The following RB1CC1 variants were observed in gnomAD, a reference collection of about 807,000 sequenced individuals.
RB1CC1 encodes RB1-inducible coiled-coil protein 1.
In RB1CC1, 46 loss-of-function variants were observed where a neutral mutation model predicts 177.5. The ratio of observed to expected loss-of-function variants is 0.26; its 90% confidence interval spans 0.20 to 0.33. RB1CC1 has a LOEUF of 0.33. Among genes scored for constraint, RB1CC1 ranks in the 10% least tolerant of loss-of-function variants. RB1CC1 has a pLI of 1.00. For missense variants in RB1CC1, 1,703 were observed against 1,816.3 expected (o/e 0.94, Z 1.13); for synonymous variants, 666 against 613.6 (o/e 1.09, Z -1.26).
chr8:52,673,249 T>C (rs1209520473), intron 7 of RB1CC1, among the ~76,000 whole-genome samples: 1 of 152,218 alleles, frequency 6.6e-6, no homozygotes, highest in East Asian at 1.9e-4. Context: ...ACTTCCTTCC[T>C]GGTGTCAAAG....
intron 18 of RB1CC1, among the ~76,000 whole-genome samples, chr8:52,639,359 A>C (rs1371832092): frequency 9.0e-6 from 1 of 110,796 alleles, no homozygotes; most frequent in Non-Finnish European, 2.0e-5. Context: ...TATGCAAACT[A>C]CTCCTCTTTG....
At chr8:52,624,542 A>G (rs1848248712) in intron 23 of RB1CC1, among the ~76,000 whole-genome samples, 175 bp downstream of exon 23, 1 of 151,976 alleles carries the variant, frequency 6.6e-6, no homozygotes, top group Non-Finnish European at 1.5e-5. Flanking sequence ...TCTACTATCT[A>G]AGGGCAGCAT....
chr8:52,627,009 C>T (rs1355191235), intron 22 of RB1CC1, among the ~76,000 whole-genome samples: 1 of 152,090 alleles, frequency 6.6e-6, no homozygotes, highest in Non-Finnish European at 1.5e-5. Flanking sequence ...GACCAATGAT[C>T]ATGCCACTGC....
intron 1 of RB1CC1, among the ~76,000 whole-genome samples, chr8:52,711,196 G>A (rs1857034707): frequency 6.6e-6 from 1 of 152,104 alleles, no homozygotes; most frequent in Non-Finnish European, 1.5e-5. Context: ...ATTAGCCAAG[G>A]AAAGAGGGTA....
At chr8:52,630,649 A>G (rs1369065301) in intron 20 of RB1CC1, 121 bp from the exon 21 acceptor site, 1 of 927,060 alleles carries the variant, frequency 1.1e-6, no homozygotes, top group Non-Finnish European at 1.5e-6. Context: ...AAGAGCCCAA[A>G]CTAATATAGT....
chr8:52,677,932 T>C (rs1853298256), intron 5 of RB1CC1, among the ~76,000 whole-genome samples: 1 of 152,134 alleles, frequency 6.6e-6, no homozygotes, highest in African/African-American at 2.4e-5. Context: ...TTGCAGCGCA[T>C]GTAGAAAATG....
intron 12 of RB1CC1, among the ~76,000 whole-genome samples, chr8:52,660,309 A>G (rs1851501198): frequency 6.6e-6 from 1 of 152,152 alleles, no homozygotes; most frequent in African/African-American, 2.4e-5. Context: ...AAAGAAAAAA[A>G]GGAAGAGACA....
Position 52,668,070 on chromosome 8 carries a change from A to C in RB1CC1, c.1124T>G (p.Met375Arg). The part of the protein sequence containing the change: ...LEDRLYALDQ[M>R]IASCGRLVNE... Reference sequence around the variant, plus strand: ...CACCAGTCGGCCACAGCTAGCAATCATCTGGTCCAGGGCGTAGAGCCGATC... The same window carrying C: ...CACCAGTCGGCCACAGCTAGCAATCCTCTGGTCCAGGGCGTAGAGCCGATC... The change falls in exon 8 of 24, where the codon ATG (methionine) becomes AGG (arginine). Residue 375 changes from methionine to arginine, a missense_variant. Met to Arg is a moderately conservative substitution (Grantham distance 91). This residue lies in a region of RB1CC1 where 315 missense variants were observed against 304.9 expected (regional missense o/e 1.03). Coordinates refer to ENST00000025008, the MANE Select transcript of RB1CC1 (RefSeq NM_014781.5). 1 of 1,614,132 alleles carries C rather than the reference A, an allele frequency of 6.2e-7. No homozygotes were observed. Among genetic ancestry groups the C allele is most frequent in the Non-Finnish European group, 8.5e-7 (1 of 1,179,984 alleles).
At chr8:52,688,162 A>G (rs1854453743) in intron 1 of RB1CC1, among the ~76,000 whole-genome samples, 1 of 152,106 alleles carries the variant, frequency 6.6e-6, no homozygotes, top group Non-Finnish European at 1.5e-5. Flanking sequence ...ACAATATGCA[A>G]TCAGTGCACC....
At chr8:52,682,313 G>A (rs981035012) in intron 5 of RB1CC1, among the ~76,000 whole-genome samples, 3 of 152,042 alleles carry the variant, frequency 2.0e-5, no homozygotes, top group East Asian at 1.9e-4. Context: ...CCATAATTCC[G>A]AGGCCTCTTC....
At chr8:52,655,045 G>C (rs1850957401) in intron 15 of RB1CC1, among the ~76,000 whole-genome samples, 1 of 152,068 alleles carries the variant, frequency 6.6e-6, no homozygotes, top group Non-Finnish European at 1.5e-5. Context: ...TCTTTGACAA[G>C]CTCTCCTGGC....
chr8:52,669,364 ATTAACTGT>A (rs1398045238), intron 7 of RB1CC1, among the ~76,000 whole-genome samples: 1 of 152,176 alleles, frequency 6.6e-6, no homozygotes, highest in Non-Finnish European at 1.5e-5. Flanking sequence ...CAATTCTTCT[ATTAACTGT>A]TTAAGTCAAC....
At chr8:52,649,875 AT>A (rs535505957) in intron 15 of RB1CC1, among the ~76,000 whole-genome samples, 23 of 152,218 alleles carry the variant, frequency 1.5e-4, no homozygotes, top group Non-Finnish European at 3.1e-4. Flanking sequence ...CAAAACTAAT[AT>A]AAACTTTAAT....
chr8:52,667,970 G>A lies in RB1CC1; in HGVS notation c.1173+51C>T, dbSNP rs763919211. 3.9e-6 allele frequency: 6 copies of A among 1,556,678 alleles called. No homozygotes were observed. In the East Asian group the frequency reaches 1.4e-4, roughly 35 times the overall value. ...AATTGATACTGCATATAAAACATGT[G>A]TACAAAAAAACTATAAATTCCTTTT... On this transcript the variant is annotated intron_variant, in intron 8 of 23. Coordinates refer to ENST00000025008, the MANE Select transcript of RB1CC1 (RefSeq NM_014781.5).
chr8:52,633,296 A>T (rs963863470), intron 20 of RB1CC1, among the ~76,000 whole-genome samples: 1 of 152,184 alleles, frequency 6.6e-6, no homozygotes, highest in African/African-American at 2.4e-5. Context: ...TAATCTACAA[A>T]CATATGCCAA....
At chr8:52,676,639 G>T in intron 5 of RB1CC1, 68 bp from the exon 6 acceptor site, 1 of 1,398,920 alleles carries the variant, frequency 7.1e-7, no homozygotes, top group Non-Finnish European at 9.9e-7. Flanking sequence ...GTTTGCATAT[G>T]TTTACAAACA....
At chr8:52,712,192 T>G (rs1285980388) in intron 1 of RB1CC1, among the ~76,000 whole-genome samples, 1 of 152,146 alleles carries the variant, frequency 6.6e-6, no homozygotes, top group Non-Finnish European at 1.5e-5. Flanking sequence ...AAAAGAAAAG[T>G]GTAACTGGAG....
At position 52,704,934 on chromosome 8, in the gene RB1CC1, A is replaced by G. The variant is rs76580287; in HGVS notation, c.-167+9141T>C. On this transcript the variant is annotated intron_variant, in intron 1 of 23. Transcript: ENST00000025008. ...TTTATAAAATGAAACCATATTTAAT[A>G]CTATACAAGTTAACACAAGCCAATT... 7.4e-4 allele frequency among the ~76,000 whole-genome samples: 113 copies of G among 152,330 alleles called. 1 individual carries two copies. In the East Asian group the frequency reaches 0.021, roughly 28 times the overall value.
At chr8:52,655,882 C>G (rs1851043342) in intron 15 of RB1CC1, 126 bp downstream of exon 15, 1 of 708,828 alleles carries the variant, frequency 1.4e-6, no homozygotes, top group African/African-American at 1.8e-5. Context: ...TAAGTTTTTA[C>G]TTCATGAAAA....
Sources: gnomAD v4.1 joint callset for allele counts (sites outside exome capture counted in the v4.1 genomes callset) on GRCh38, gnomAD v4.1.1 for gene constraint, gnomAD v4.1.1 regional missense constraint, MANE v1.5 for transcripts, NCBI Gene and HGNC (gene_info 2026-07-23, HGNC 2026-07-21) for gene names.